The following BBS9 variants were observed in gnomAD, a reference collection of about 807,000 sequenced individuals.
The protein encoded by BBS9 is protein PTHB1.
In BBS9, 89 loss-of-function variants were observed where a neutral mutation model predicts 117.7. The ratio of observed to expected loss-of-function variants is 0.76; its 90% CI spans 0.64 to 0.90. BBS9 has a LOEUF of 0.90. BBS9 is among the 40% of genes least tolerant of loss of function. The pLI, the probability that BBS9 is intolerant of heterozygous loss-of-function variation, is 0.00. For synonymous variants in BBS9, 379 were observed against 370.9 expected (o/e 1.02, Z -0.25); for missense variants, 982 against 1,042.2 (o/e 0.94, Z 0.80).
chr7:33,195,735 C>CT (rs1784835246), intron 5 of BBS9, among the ~76,000 whole-genome samples: 1 of 101,984 alleles, frequency 9.8e-6, no homozygotes, highest in Non-Finnish European at 2.2e-5. Context: ...TAACACTTTT[C>CT]TCTCTGTGTC....
chr7:33,219,576 C>A (rs1789801910), intron 5 of BBS9, among the ~76,000 whole-genome samples: 1 of 152,166 alleles, frequency 6.6e-6, no homozygotes, highest in African/African-American at 2.4e-5. Context: ...TGTGAATGCA[C>A]CAATTGACAC....
chr7:33,146,926 C>T (rs1792491645), intron 2 of BBS9, among the ~76,000 whole-genome samples: 1 of 151,926 alleles, frequency 6.6e-6, no homozygotes. Flanking sequence ...TATGACATCA[C>T]TTCATTTGTA....
intron 21 of BBS9, among the ~76,000 whole-genome samples, chr7:33,633,789 G>A (rs1866010592): frequency 6.6e-6 from 1 of 152,048 alleles, no homozygotes; most frequent in African/African-American, 2.4e-5. Flanking sequence ...TGGTTTTGAG[G>A]TCAATAAAAG....
chr7:33,566,656 A>G (rs998487727), intron 21 of BBS9, among the ~76,000 whole-genome samples: 1 of 152,150 alleles, frequency 6.6e-6, no homozygotes, highest in African/African-American at 2.4e-5. Context: ...TATTATCAGA[A>G]TGCTACCTTT....
At chr7:33,329,602 G>A (rs1317589518) in intron 9 of BBS9, among the ~76,000 whole-genome samples, 11 of 151,960 alleles carry the variant, frequency 7.2e-5, no homozygotes, top group Admixed American at 6.6e-4. Flanking sequence ...TATCATTTGG[G>A]TTGTTTCTAA....
chr7:33,242,322 G>A (rs1318003058), intron 5 of BBS9, among the ~76,000 whole-genome samples: 1 of 151,894 alleles, frequency 6.6e-6, no homozygotes, highest in East Asian at 1.9e-4. Flanking sequence ...AGCTCTTTGT[G>A]GTCTTTGCTT....
chr7:33,225,781 T>C (rs1445048309), intron 5 of BBS9, among the ~76,000 whole-genome samples: 3 of 151,778 alleles, frequency 2.0e-5, no homozygotes, highest in Non-Finnish European at 4.4e-5. Context: ...CTGCTGGTTA[T>C]TGCTTCTGCA....
intron 4 of BBS9, among the ~76,000 whole-genome samples, chr7:33,164,634 C>G (rs972424172): frequency 4.6e-5 from 7 of 152,106 alleles, no homozygotes; most frequent in African/African-American, 7.2e-5. Context: ...TCTGTTTTAT[C>G]AGAGACTAGG....
At chr7:33,623,441 G>C (rs993487136) in intron 21 of BBS9, among the ~76,000 whole-genome samples, 7 of 152,172 alleles carry the variant, frequency 4.6e-5, no homozygotes, top group African/African-American at 1.7e-4. Flanking sequence ...TGTTGGCTCA[G>C]CTCAACTGTT....
chr7:33,516,788 T>G (rs1847879647), intron 20 of BBS9, among the ~76,000 whole-genome samples: 1 of 152,266 alleles, frequency 6.6e-6, no homozygotes, highest in African/African-American at 2.4e-5. Context: ...GGTATCATTT[T>G]AAATTTGGTC....
rs1806844291 is a variant in BBS9, at chr7:33,303,076, T to C, written c.1016+29120T>C. 2.0e-5 allele frequency among the ~76,000 whole-genome samples: 3 copies of C among 152,222 alleles called. No individual in the cohort carries two copies. In the South Asian group the frequency reaches 6.2e-4, roughly 32 times the overall value. ...GATTCATTTTTCAGATTGTTCATTGTTGGCATATATAAATGCTACTGATTT... is the reference window on the plus strand; with the variant it reads ...GATTCATTTTTCAGATTGTTCATTGCTGGCATATATAAATGCTACTGATTT... On this transcript the variant is annotated intron_variant, in intron 9 of 22. Transcript: ENST00000242067.
At chr7:33,631,819 G>T (rs958877984) in intron 21 of BBS9, among the ~76,000 whole-genome samples, 3 of 152,208 alleles carry the variant, frequency 2.0e-5, no homozygotes, top group African/African-American at 7.2e-5. Flanking sequence ...GGCCAGGCCT[G>T]TTCCCATCCT....
At position 33,533,953 on chromosome 7, in the gene BBS9, G is replaced by A. The variant is rs1277339873; in HGVS notation, c.2299-1G>A. On this transcript the variant is annotated splice_acceptor_variant, in intron 20 of 22. Coordinates refer to ENST00000242067, the MANE Select transcript of BBS9 (RefSeq NM_198428.3). LOFTEE classifies it high-confidence loss of function. ...AATTCAAAATTGGCTTTTGTATCCA[G>A]GGCTGGGAAGAAACGGTGGATGCCG... 3 of 1,614,074 alleles carry A rather than the reference G, an allele frequency of 1.9e-6. No homozygotes were observed. The highest frequency in any genetic ancestry group is 2.5e-6 in the Non-Finnish European group (3 of 1,180,034).
chr7:33,336,766 A>G (rs1815460795), intron 10 of BBS9, 144 bp downstream of exon 10: 1 of 647,884 alleles, frequency 1.5e-6, no homozygotes, highest in Non-Finnish European at 2.6e-6. Flanking sequence ...ATTGCTCTTT[A>G]GCACACAAGG....
intron 5 of BBS9, among the ~76,000 whole-genome samples, chr7:33,192,201 T>A (rs1337813562): frequency 6.6e-6 from 1 of 152,206 alleles, no homozygotes; most frequent in African/African-American, 2.4e-5. Context: ...AAATGTTAAA[T>A]GGAAAAGCCT....
intron 6 of BBS9, among the ~76,000 whole-genome samples, chr7:33,258,950 A>T (rs28560342): frequency 3.3e-5 from 5 of 152,108 alleles, no homozygotes; most frequent in African/African-American, 1.2e-4. Context: ...AGACTAAAAA[A>T]TGTACACGTT....
intron 19 of BBS9, among the ~76,000 whole-genome samples, chr7:33,473,617 G>A (rs187305716): frequency 1.3e-4 from 20 of 152,244 alleles, no homozygotes; most frequent in Admixed American, 1.2e-3. Flanking sequence ...GAGCTACCAC[G>A]CTCAGCCAAC....
intron 21 of BBS9, among the ~76,000 whole-genome samples, chr7:33,586,689 T>C (rs553355626): frequency 1.3e-5 from 2 of 152,214 alleles, no homozygotes; most frequent in South Asian, 2.1e-4. Context: ...GTGGTACATA[T>C]GCACCATGGA....
intron 9 of BBS9, among the ~76,000 whole-genome samples, chr7:33,315,721 A>G (rs1003859838): frequency 1.3e-4 from 20 of 152,152 alleles, no homozygotes; most frequent in Non-Finnish European, 1.9e-4. Context: ...GATTTTATGT[A>G]TCATCTTTCT....
Sources: allele counts gnomAD v4.1 joint callset (sites outside exome capture counted in the v4.1 genomes callset), GRCh38; gene constraint gnomAD v4.1.1; transcripts MANE v1.5; gene names NCBI Gene and HGNC (gene_info 2026-07-23, HGNC 2026-07-21).